The following ADAM22 variants were observed in gnomAD, a reference collection of about 807,000 sequenced individuals.
ADAM22 encodes the protein ADAM metallopeptidase domain 22.
ADAM22 carries 65 observed loss-of-function variants against 144.6 expected under a neutral mutation model. That is an observed-to-expected ratio of 0.45 (90% CI 0.37 to 0.55). The LOEUF (loss-of-function observed/expected upper bound fraction) is 0.55, where lower values mean the gene tolerates loss of function less well. Ranked by LOEUF, ADAM22 falls within the 20% of genes least tolerant of loss-of-function variation. The probability of loss-of-function intolerance (pLI) is 0.00; values close to 1 mark genes in which losing one functional copy is unlikely to be tolerated. For missense variants in ADAM22, 974 were observed against 1,184.9 expected (o/e 0.82, Z 2.61); for synonymous variants, 391 against 412.6 (o/e 0.95, Z 0.63).
chr7:88,162,097 TACACACACACACACACAC>T (rs61053925), intron 22 of ADAM22, among the ~76,000 whole-genome samples: 1 of 136,742 alleles, frequency 7.3e-6, no homozygotes, highest in Non-Finnish European at 1.6e-5. Context: ...AAATGTGTAA[TACACACACACACACACAC>T]ACACACACAC....
intron 2 of ADAM22, among the ~76,000 whole-genome samples, chr7:87,962,774 G>A (rs1848275436): frequency 6.6e-6 from 1 of 152,076 alleles, no homozygotes; most frequent in South Asian, 2.1e-4. Flanking sequence ...CATGTATTCA[G>A]TCTTCACAGC....
At chr7:88,088,784 T>C (rs1819083935) in intron 4 of ADAM22, among the ~76,000 whole-genome samples, 1 of 152,202 alleles carries the variant, frequency 6.6e-6, no homozygotes, top group Non-Finnish European at 1.5e-5. Context: ...TCTTAAGATA[T>C]CTTTTAAAAT....
chr7:87,936,865 T>TAG (rs1469220112), intron 2 of ADAM22, among the ~76,000 whole-genome samples: 5 of 150,218 alleles, frequency 3.3e-5, no homozygotes, highest in African/African-American at 1.2e-4. Flanking sequence ...ATTATATATA[T>TAG]ATATATAGAG....
At chr7:87,982,701 T>TATATATATAAAA (rs1554373733) in intron 3 of ADAM22, among the ~76,000 whole-genome samples, 1 of 33,800 alleles carries the variant, frequency 3.0e-5, no homozygotes, top group African/African-American at 1.3e-4. Context: ...ATATATATAA[T>TATATATATAAAA]TTTTTTTTTT....
In ADAM22 at chr7:88,131,310, T is replaced by A; in HGVS notation, c.867T>A (p.Ala289=). The change falls in exon 11 of 32, where the codon GCT becomes GCA. Residue 289 remains alanine, a synonymous_variant. Transcript: ENST00000413139. ...DQLKTRIVLV[A]METWATDNKF... is the part of the protein sequence containing the mutation. Reference sequence around the variant, plus strand: ...TTAAGACCAGGATAGTATTGGTTGCTATGGAAACCTGGGCGACTGACAACA... The same window carrying A: ...TTAAGACCAGGATAGTATTGGTTGCAATGGAAACCTGGGCGACTGACAACA... 1 of 1,613,792 alleles carries A rather than the reference T, an allele frequency of 6.2e-7. No homozygotes were observed. The highest frequency in any genetic ancestry group is 8.5e-7 in the Non-Finnish European group (1 of 1,179,838).
At chr7:88,174,208 G>C (rs1845061562) in intron 26 of ADAM22, among the ~76,000 whole-genome samples, 1 of 152,078 alleles carries the variant, frequency 6.6e-6, no homozygotes, top group Admixed American at 6.6e-5. Context: ...GTATAGAGAA[G>C]GATTATATTC....
chr7:88,085,151 C>G (rs994191736), intron 4 of ADAM22, among the ~76,000 whole-genome samples: 7 of 152,248 alleles, frequency 4.6e-5, no homozygotes, highest in African/African-American at 1.7e-4. Context: ...CCTGTAACAC[C>G]TTCCTTAAGA....
At chr7:87,982,348 C>A (rs559099831) in intron 3 of ADAM22, among the ~76,000 whole-genome samples, 49 of 151,872 alleles carry the variant, frequency 3.2e-4, no homozygotes, top group African/African-American at 1.1e-3. Context: ...CCGGGACAGG[C>A]CATCTCTAAG....
intron 3 of ADAM22, among the ~76,000 whole-genome samples, chr7:87,984,046 T>C (rs1037105085): frequency 2.0e-5 from 3 of 152,192 alleles, no homozygotes; most frequent in African/African-American, 7.2e-5. Context: ...GATAATTCAT[T>C]GTTTTGTCCC....
chr7:87,940,229 A>G (rs1189529028), intron 2 of ADAM22, among the ~76,000 whole-genome samples: 1 of 151,698 alleles, frequency 6.6e-6, no homozygotes, highest in East Asian at 1.9e-4. Flanking sequence ...CAAGATGGAT[A>G]TGCTGATTAC....
At chr7:88,148,884 A>T in intron 17 of ADAM22, 93 bp from the exon 18 acceptor site, 1 of 986,524 alleles carries the variant, frequency 1.0e-6, no homozygotes, top group Non-Finnish European at 1.5e-6. Context: ...AGGTATTTCT[A>T]GCCAAACAAT....
chr7:88,174,897 T>G (rs1179249960), intron 26 of ADAM22, among the ~76,000 whole-genome samples: 1 of 152,096 alleles, frequency 6.6e-6, no homozygotes, highest in African/African-American at 2.4e-5. Flanking sequence ...TTTTATATTA[T>G]TATTATTATT....
chr7:88,052,878 A>G (rs1806897286), intron 3 of ADAM22, among the ~76,000 whole-genome samples: 1 of 152,226 alleles, frequency 6.6e-6, no homozygotes, highest in African/African-American at 2.4e-5. Context: ...CTCGGCTGCC[A>G]TCATTCATGT....
At chr7:88,105,312 G>A (rs575069280) in intron 4 of ADAM22, among the ~76,000 whole-genome samples, 3 of 151,986 alleles carry the variant, frequency 2.0e-5, no homozygotes, top group African/African-American at 7.3e-5. Context: ...GGTCTGATTC[G>A]GTTAGTCACT....
chr7:88,152,925 C>T (rs938766010), intron 20 of ADAM22, among the ~76,000 whole-genome samples: 3 of 152,022 alleles, frequency 2.0e-5, no homozygotes, highest in Non-Finnish European at 4.4e-5. Flanking sequence ...ATGATCTGCC[C>T]GAATTATTGG....
At chr7:88,058,388 C>T (rs1177083550) in intron 3 of ADAM22, among the ~76,000 whole-genome samples, 1 of 152,108 alleles carries the variant, frequency 6.6e-6, no homozygotes, top group East Asian at 1.9e-4. Context: ...GGAAGAAAAG[C>T]GAAGTGCCAA....
intron 7 of ADAM22, among the ~76,000 whole-genome samples, chr7:88,120,446 A>G (rs990129016): frequency 6.6e-6 from 1 of 151,704 alleles, no homozygotes; most frequent in Middle Eastern, 3.4e-3. Flanking sequence ...ACTCTTTTAT[A>G]TTTGTGTCAG....
intron 3 of ADAM22, among the ~76,000 whole-genome samples, chr7:88,044,770 G>T (rs914417945): frequency 3.3e-5 from 5 of 151,098 alleles, no homozygotes; most frequent in Non-Finnish European, 7.4e-5. Flanking sequence ...TTGTCAGTTA[G>T]GCTGGAGTGC....
At chr7:88,100,011 G>C (rs1459519071) in intron 4 of ADAM22, among the ~76,000 whole-genome samples, 1 of 152,134 alleles carries the variant, frequency 6.6e-6, no homozygotes. Flanking sequence ...AACTGGTGAA[G>C]TCTAAATGTT....
Sources: allele counts gnomAD v4.1 joint callset (sites outside exome capture counted in the v4.1 genomes callset), GRCh38; gene constraint gnomAD v4.1.1; transcripts MANE v1.5; gene names NCBI Gene and HGNC (gene_info 2026-07-23, HGNC 2026-07-21).